SYNE2: variants seen among roughly 807,000 people sequenced by gnomAD.
SYNE2 encodes the protein nesprin-2.
A neutral mutation model predicts 856.3 loss-of-function variants in SYNE2; 431 were observed. The ratio of observed to expected loss-of-function variants is 0.50; its 90% confidence interval spans 0.47 to 0.55. SYNE2 has a LOEUF of 0.55. Among genes scored for constraint, SYNE2 ranks in the 20% least tolerant of loss-of-function variants. The probability of loss-of-function intolerance (pLI) is 0.00; values close to 1 mark genes in which losing one functional copy is unlikely to be tolerated. For missense variants in SYNE2, 8,129 were observed against 8,023.2 expected, an observed-to-expected ratio of 1.01 and a Z score of -0.50; for synonymous variants, 2,923 against 2,872.3, an observed-to-expected ratio of 1.02 and a Z score of -0.56.
chr14:63,940,598 G>C lies in SYNE2; in HGVS notation c.80-16G>C. 1.9e-6 allele frequency: 3 copies of C among 1,613,836 alleles called. No homozygotes were observed. The highest frequency in any genetic ancestry group is 2.5e-6 in the Non-Finnish European group (3 of 1,179,766). On this transcript the variant is annotated splice_polypyrimidine_tract_variant and intron_variant, in intron 2 of 115. Transcript: ENST00000555002. Reference sequence around the variant, plus strand: ...GGCTTCTGGTTTTATAACTGCTGTTGTTCTTTCTTTGATAGCTGAACAGGA... The same window carrying C: ...GGCTTCTGGTTTTATAACTGCTGTTCTTCTTTCTTTGATAGCTGAACAGGA...
intron 1 of SYNE2, among the ~76,000 whole-genome samples, chr14:63,902,535 C>G (rs756503473): frequency 1.3e-5 from 2 of 151,710 alleles, no homozygotes; most frequent in Non-Finnish European, 2.9e-5. Context: ...CCCAGGAAAG[C>G]TCTTCTGGGC....
chr14:63,908,298 A>G (rs907170275), intron 1 of SYNE2, among the ~76,000 whole-genome samples: 47 of 152,234 alleles, frequency 3.1e-4, no homozygotes, highest in Non-Finnish European at 2.9e-5. Flanking sequence ...CTGTACAATT[A>G]TCCATCCCTA....
At chr14:63,767,177 G>T (rs1310729400) in intron 1 of SYNE2, among the ~76,000 whole-genome samples, 1 of 151,100 alleles carries the variant, frequency 6.6e-6, no homozygotes, top group African/African-American at 2.4e-5. Flanking sequence ...CGCAATCTCG[G>T]CTCACTGCAA....
Position 64,175,983 on chromosome 14 carries a change from A to G in SYNE2, c.17430+845A>G, listed in dbSNP as rs558508490. Among the ~76,000 whole-genome samples the G allele has an allele frequency of 9.8e-5, 15 of 152,362 alleles. 1 individual carries two copies. Among genetic ancestry groups the G allele is most frequent in the African/African-American group, 3.6e-4 (15 of 41,600 alleles). On this transcript the variant is annotated intron_variant, in intron 95 of 115. Transcript: ENST00000555002. Reference sequence around the variant, plus strand: ...AAGCATAATGATAATTGCAAATAACAGTTTGAAGAACTCATGGTTTTGCTT... The same window carrying G: ...AAGCATAATGATAATTGCAAATAACGGTTTGAAGAACTCATGGTTTTGCTT...
chr14:63,924,084 G>A (rs1212748097), intron 2 of SYNE2, among the ~76,000 whole-genome samples: 1 of 152,098 alleles, frequency 6.6e-6, no homozygotes, highest in African/African-American at 2.4e-5. Flanking sequence ...GGGATTACAG[G>A]CATCAGCCAC....
At chr14:63,993,034 C>T (rs945358241) in intron 21 of SYNE2, among the ~76,000 whole-genome samples, 2 of 152,118 alleles carry the variant, frequency 1.3e-5, no homozygotes, top group African/African-American at 4.8e-5. Context: ...GTTACCTAGG[C>T]CAGGTTTCTG....
Position 63,907,594 on chromosome 14 carries a change from T to A in SYNE2, c.-51-1504T>A, listed in dbSNP as rs554058507. Among the ~76,000 whole-genome samples, 30 of 152,178 alleles carry A rather than the reference T, an allele frequency of 2.0e-4. 1 individual carries two copies. In the East Asian group the frequency reaches 4.2e-3, roughly 22 times the overall value. On this transcript the variant is annotated intron_variant, in intron 1 of 115. Transcript: ENST00000555002. ...ATATTGCTATTATCCTTTTTTTTTT[T>A]AAATAGCGATGACATGGAATAGTGT...
At chr14:64,063,995 T>G (rs1165372399) in intron 50 of SYNE2, among the ~76,000 whole-genome samples, 3 of 152,228 alleles carry the variant, frequency 2.0e-5, no homozygotes, top group African/African-American at 7.2e-5. Context: ...AGAGAAATTA[T>G]AACAATATGC....
At chr14:63,850,926 A>C (rs1460285554), upstream of SYNE2, among the ~76,000 whole-genome samples, 10 of 152,328 alleles carry the variant, frequency 6.6e-5, 1 homozygote, top group South Asian at 1.9e-3. Context: ...TAGACATAGA[A>C]TGGAAATGAA....
intron 58 of SYNE2, 51 bp from the exon 59 acceptor site, chr14:64,089,523 A>G (rs770422134): frequency 1.9e-6 from 3 of 1,554,746 alleles, no homozygotes; most frequent in Non-Finnish European, 2.6e-6. Flanking sequence ...TGTTTTATAG[A>G]TGATTAATAT....
chr14:63,826,715 A>G (rs1889444859), intron 1 of SYNE2, among the ~76,000 whole-genome samples: 1 of 152,238 alleles, frequency 6.6e-6, no homozygotes, highest in Admixed American at 6.5e-5. Flanking sequence ...AACCAAAAAC[A>G]GATAATCAAT....
chr14:64,104,480 C>T (rs569340674), intron 64 of SYNE2, among the ~76,000 whole-genome samples: 86 of 138,076 alleles, frequency 6.2e-4, no homozygotes, highest in African/African-American at 2.1e-3. Context: ...GACAGAGTCT[C>T]GATCTGTCGC....
rs1049842655 is a variant in SYNE2 at position 63,869,298 on chromosome 14, C to T, written c.-52+16155C>T. Among the ~76,000 whole-genome samples the T allele has an allele frequency of 1.6e-4, 25 of 152,126 alleles. 1 individual carries two copies. Among genetic ancestry groups the T allele is most frequent in the Non-Finnish European group, 2.9e-4 (20 of 68,014 alleles). On this transcript the variant is annotated intron_variant, in intron 1 of 115. Transcript: ENST00000555002. ...AATTAAAGTTGATGTTTAAATATCA[C>T]GTCTCTTCTGAGCCCCTACTTTTTC...
At position 63,991,059 on chromosome 14, in the gene SYNE2, G is replaced by A; in HGVS notation, c.2590G>A (p.Ala864Thr). ...GGAACTTGAATCATATATGATGAGG[G>A]CTCAGCAGTTACTGGGGCAAAGAGA... ...QKELESYMMRAQQLLGQRESP... is the reference protein window; with the variant it reads ...QKELESYMMRTQQLLGQRESP... The change falls in exon 21 of 116, where the codon GCT (alanine) becomes ACT (threonine). Residue 864 changes from alanine to threonine, a missense_variant. Ala to Thr is a moderately conservative substitution (Grantham distance 58). Coordinates refer to ENST00000555002, the MANE Select transcript of SYNE2 (RefSeq NM_182914.3). 1 of 1,614,070 alleles carries A rather than the reference G, an allele frequency of 6.2e-7. No homozygotes were observed. The highest frequency in any genetic ancestry group is 8.5e-7 in the Non-Finnish European group (1 of 1,179,984).
chr14:64,028,404 C>T lies in SYNE2; in HGVS notation c.6714+611C>T, dbSNP rs555192886. 2.0e-5 allele frequency among the ~76,000 whole-genome samples: 3 copies of T among 152,052 alleles called. No individual in the cohort carries two copies. In the South Asian group the frequency reaches 6.2e-4, roughly 32 times the overall value. ...CCTAGTAGCTAGGACTACAGGCATGCGCCACTACACCCAGCTAATTTTTTT... is the reference window on the plus strand; with the variant it reads ...CCTAGTAGCTAGGACTACAGGCATGTGCCACTACACCCAGCTAATTTTTTT... On this transcript the variant is annotated intron_variant, in intron 43 of 115. Transcript: ENST00000555002.
intron 1 of SYNE2, among the ~76,000 whole-genome samples, chr14:63,834,089 G>C (rs1002894762): frequency 6.6e-6 from 1 of 152,122 alleles, no homozygotes; most frequent in African/African-American, 2.4e-5. Flanking sequence ...AATCTCCTTT[G>C]AGTAGGCACA....
chr14:64,182,300 G>A (rs1053894898), intron 96 of SYNE2, among the ~76,000 whole-genome samples: 2 of 152,196 alleles, frequency 1.3e-5, no homozygotes, highest in Non-Finnish European at 2.9e-5. Context: ...CTGGTTGAAT[G>A]AAGATGGTGG....
intron 1 of SYNE2, among the ~76,000 whole-genome samples, chr14:63,837,969 A>C (rs1008699367): frequency 6.6e-6 from 1 of 151,640 alleles, no homozygotes; most frequent in Admixed American, 6.6e-5. Context: ...TAGACTAGAC[A>C]TTTTTCCAAA....
intron 55 of SYNE2, among the ~76,000 whole-genome samples, chr14:64,078,888 A>G (rs1358983924): frequency 2.6e-5 from 4 of 152,222 alleles, no homozygotes; most frequent in Admixed American, 1.3e-4. Flanking sequence ...CCTGGCCAAC[A>G]TGGCAAAACC....
Sources: allele counts gnomAD v4.1 joint callset (sites outside exome capture counted in the v4.1 genomes callset), GRCh38; gene constraint gnomAD v4.1.1; transcripts MANE v1.5; gene names NCBI Gene and HGNC (gene_info 2026-07-23, HGNC 2026-07-21).